The following PCSK2 variants were observed in gnomAD, a reference collection of about 807,000 sequenced individuals.
PCSK2 encodes proprotein convertase subtilisin/kexin type 2.
A neutral mutation model predicts 69.7 loss-of-function variants in PCSK2; 14 were observed. The observed-to-expected ratio is 0.20, with a 90% CI of 0.13 to 0.31. PCSK2 has a LOEUF of 0.31. Ranked by LOEUF, PCSK2 falls within the 10% of genes least tolerant of loss-of-function variation. PCSK2 has a pLI of 1.00. For missense variants in PCSK2, 544 were observed against 842.5 expected, an observed-to-expected ratio of 0.65 and a Z score of 4.39; for synonymous variants, 307 against 320.7, an observed-to-expected ratio of 0.96 and a Z score of 0.46.
rs182487867 is a variant in PCSK2, at chr20:17,317,815, A to G, written c.283-40512A>G. Among the ~76,000 whole-genome samples, 12 of 152,332 alleles carry G rather than the reference A, an allele frequency of 7.9e-5. No individual in the cohort carries two copies. In the East Asian group the frequency reaches 2.1e-3, roughly 27 times the overall value. ...AAAGGGAACACATAAACAACACATGAAAGGTTGGAAAATAACAAAGAAAAT... is the reference window on the plus strand; with the variant it reads ...AAAGGGAACACATAAACAACACATGGAAGGTTGGAAAATAACAAAGAAAAT... On this transcript the variant is annotated intron_variant, in intron 2 of 11. Transcript: ENST00000262545.
chr20:17,302,240 A>G (rs1232620763), intron 2 of PCSK2, among the ~76,000 whole-genome samples: 4 of 152,076 alleles, frequency 2.6e-5, no homozygotes, highest in African/African-American at 7.2e-5. Context: ...CCATGACCCT[A>G]TATCCACTCA....
At chr20:17,226,880 GC>G (rs1985926576), upstream of PCSK2, 1 of 133,264 alleles carries the variant, frequency 7.5e-6, no homozygotes, top group Non-Finnish European at 1.6e-5. Context: ...GCGGGGGCGG[GC>G]CCGGGGCGGC....
intron 6 of PCSK2, among the ~76,000 whole-genome samples, chr20:17,426,653 G>C (rs1233039662): frequency 6.6e-6 from 1 of 152,212 alleles, no homozygotes; most frequent in East Asian, 1.9e-4. Flanking sequence ...AGAGCCAATG[G>C]TCCAGCTTGA....
intron 2 of PCSK2, among the ~76,000 whole-genome samples, chr20:17,277,544 C>T (rs1182142177): frequency 6.6e-6 from 1 of 152,128 alleles, no homozygotes; most frequent in African/African-American, 2.4e-5. Flanking sequence ...GGATCCCCTC[C>T]TTACACCTTA....
intron 1 of PCSK2, among the ~76,000 whole-genome samples, chr20:17,255,392 A>C (rs1286345714): frequency 1.3e-5 from 2 of 150,352 alleles, no homozygotes; most frequent in African/African-American, 4.9e-5. Flanking sequence ...TCCAGGCTGG[A>C]GTGCAATGGC....
chr20:17,381,383 G>T (rs1014244823), intron 5 of PCSK2, among the ~76,000 whole-genome samples: 2 of 152,222 alleles, frequency 1.3e-5, no homozygotes, highest in Non-Finnish European at 2.9e-5. Context: ...ATTACAGTGT[G>T]TAGGAGATGT....
intron 1 of PCSK2, among the ~76,000 whole-genome samples, chr20:17,257,161 A>T (rs867717266): frequency 2.6e-5 from 4 of 152,188 alleles, no homozygotes; most frequent in Non-Finnish European, 5.9e-5. Context: ...GCCAACAAAC[A>T]TATGAAAAAA....
intron 8 of PCSK2, among the ~76,000 whole-genome samples, chr20:17,437,601 G>A (rs1013910031): frequency 1.3e-5 from 2 of 152,176 alleles, no homozygotes; most frequent in Non-Finnish European, 2.9e-5. Flanking sequence ...CGGTGATAAT[G>A]AGGGGTCACT....
intron 5 of PCSK2, among the ~76,000 whole-genome samples, chr20:17,383,094 C>G (rs546133286): frequency 6.6e-6 from 1 of 152,302 alleles, no homozygotes; most frequent in Non-Finnish European, 1.5e-5. Flanking sequence ...TTATCCGCAG[C>G]ACAGCACCAT....
intron 2 of PCSK2, among the ~76,000 whole-genome samples, chr20:17,281,006 C>T (rs954799279): frequency 3.3e-5 from 5 of 152,188 alleles, no homozygotes; most frequent in Non-Finnish European, 7.3e-5. Context: ...TCTGATCTCC[C>T]GCCATATTTG....
intron 1 of PCSK2, among the ~76,000 whole-genome samples, chr20:17,231,057 C>A (rs1986128568): frequency 6.6e-6 from 1 of 152,050 alleles, no homozygotes; most frequent in Non-Finnish European, 1.5e-5. Context: ...AAACAGAAAA[C>A]AAAAATTATT....
intron 6 of PCSK2, among the ~76,000 whole-genome samples, chr20:17,419,398 A>G (rs2032073460): frequency 6.6e-6 from 1 of 152,268 alleles, no homozygotes; most frequent in Admixed American, 6.5e-5. Context: ...AAAAGAGTAT[A>G]ATTTTCTCTT....
intron 8 of PCSK2, among the ~76,000 whole-genome samples, chr20:17,446,773 A>G (rs1197958137): frequency 1.3e-5 from 2 of 152,278 alleles, no homozygotes; most frequent in Non-Finnish European, 2.9e-5. Context: ...TGTGCAATTT[A>G]AAATGTGTTT....
chr20:17,278,825 G>A (rs180879020), intron 2 of PCSK2, among the ~76,000 whole-genome samples: 7 of 151,822 alleles, frequency 4.6e-5, no homozygotes, highest in Non-Finnish European at 8.8e-5. Flanking sequence ...GACCAGCCTG[G>A]GCAACAGAGC....
intron 8 of PCSK2, among the ~76,000 whole-genome samples, chr20:17,442,951 G>A (rs895700991): frequency 6.9e-6 from 1 of 144,056 alleles, no homozygotes; most frequent in Non-Finnish European, 1.5e-5. Flanking sequence ...AAGTGGAAAA[G>A]CTGGAGGAAA....
chr20:17,292,113 T>A (rs973267236), intron 2 of PCSK2, among the ~76,000 whole-genome samples: 3 of 152,198 alleles, frequency 2.0e-5, no homozygotes, highest in Non-Finnish European at 4.4e-5. Flanking sequence ...GCATGGATAT[T>A]GAGTAGATAA....
chr20:17,249,277 C>T (rs552919799), intron 1 of PCSK2, among the ~76,000 whole-genome samples: 12 of 152,158 alleles, frequency 7.9e-5, no homozygotes, highest in East Asian at 3.9e-4. Flanking sequence ...GAGGCTGAGG[C>T]GGGCGGATCA....
intron 2 of PCSK2, among the ~76,000 whole-genome samples, chr20:17,299,985 G>T (rs572869392): frequency 2.0e-4 from 30 of 152,264 alleles, no homozygotes; most frequent in Admixed American, 7.8e-4. Context: ...GTTTTTCCTC[G>T]CAGAGACAGG....
intron 2 of PCSK2, among the ~76,000 whole-genome samples, chr20:17,333,910 C>CATATATAGATATATATAT (rs1990270818): frequency 1.2e-5 from 1 of 86,372 alleles, no homozygotes; most frequent in Non-Finnish European, 2.4e-5. Flanking sequence ...TAAGTCACTG[C>CATATATAGATATATATAT]ATATATATAT....
Sources: allele counts gnomAD v4.1 joint callset (sites outside exome capture counted in the v4.1 genomes callset), GRCh38; gene constraint gnomAD v4.1.1; transcripts MANE v1.5; gene names NCBI Gene and HGNC (gene_info 2026-07-23, HGNC 2026-07-21).